OSBPL10: variants seen among roughly 807,000 people sequenced by gnomAD.
The protein encoded by OSBPL10 is oxysterol-binding protein-related protein 10.
Under a neutral mutation model 81.7 loss-of-function variants are expected in OSBPL10, and 49 were observed. That is an observed-to-expected ratio of 0.60 (90% confidence interval 0.48 to 0.76). OSBPL10 has a LOEUF of 0.76. Ranked by LOEUF, OSBPL10 falls within the 30% of genes least tolerant of loss-of-function variation. The pLI is 0.00. For missense variants in OSBPL10, 923 were observed against 987.8 expected (o/e 0.93, Z 0.88); for synonymous variants, 419 against 383.6 (o/e 1.09, Z -1.08).
chr3:31,998,318 A>G (rs756094773), intron 2 of OSBPL10, among the ~76,000 whole-genome samples: 24 of 152,290 alleles, frequency 1.6e-4, no homozygotes, highest in East Asian at 3.9e-4. Flanking sequence ...CCATCAGCAT[A>G]TCTCACCACT....
At chr3:31,958,826 T>C (rs912426037) in intron 1 of OSBPL10, among the ~76,000 whole-genome samples, 2 of 152,338 alleles carry the variant, frequency 1.3e-5, no homozygotes, top group Non-Finnish European at 2.9e-5. Context: ...CCATGTCTAT[T>C]TGTTTACATA....
At chr3:31,808,175 A>G (rs963150453) in intron 4 of OSBPL10, among the ~76,000 whole-genome samples, 1 of 152,184 alleles carries the variant, frequency 6.6e-6, no homozygotes, top group African/African-American at 2.4e-5. Context: ...TATCATCAAG[A>G]CTAAGATCAT....
chr3:31,689,641 T>C (rs1027764830), intron 7 of OSBPL10, among the ~76,000 whole-genome samples: 1 of 151,996 alleles, frequency 6.6e-6, no homozygotes. Flanking sequence ...TGGGGGTGGG[T>C]CTTTCTTGTG....
At chr3:31,702,290 A>C in intron 7 of OSBPL10, 69 bp downstream of exon 7, 4 of 1,541,780 alleles carry the variant, frequency 2.6e-6, no homozygotes, top group Non-Finnish European at 3.5e-6. Flanking sequence ...GAATGTGCAT[A>C]GAGAAGGCTT....
chr3:32,031,684 C>T (rs1699470726), intron 2 of OSBPL10, among the ~76,000 whole-genome samples: 1 of 152,116 alleles, frequency 6.6e-6, no homozygotes, highest in Non-Finnish European at 1.5e-5. Flanking sequence ...GAACTCCTGA[C>T]CTCATGTGAT....
chr3:31,772,972 T>C (rs1349827931), intron 4 of OSBPL10, among the ~76,000 whole-genome samples: 1 of 152,060 alleles, frequency 6.6e-6, no homozygotes, highest in Non-Finnish European at 1.5e-5. Context: ...GGGTTTCACA[T>C]TTCCTGATCC....
intron 4 of OSBPL10, among the ~76,000 whole-genome samples, chr3:31,828,945 T>C (rs776936955): frequency 4.6e-5 from 7 of 152,198 alleles, no homozygotes; most frequent in Non-Finnish European, 8.8e-5. Context: ...AGACACAGTA[T>C]ATACATGTAA....
At chr3:31,692,862 C>A (rs1047063607) in intron 7 of OSBPL10, among the ~76,000 whole-genome samples, 10 of 152,210 alleles carry the variant, frequency 6.6e-5, no homozygotes, top group African/African-American at 2.4e-4. Context: ...GGTTGCTCAG[C>A]GCCCCCAAGG....
intron 1 of OSBPL10, among the ~76,000 whole-genome samples, chr3:31,898,021 AAAAAAAAAAAAAAAAACAG>A (rs1298295762): frequency 3.2e-5 from 4 of 126,616 alleles, no homozygotes; most frequent in South Asian, 2.5e-4. Context: ...AAAAAAAAAA[AAAAAAAAAAAAAAAAACAG>A]AAGAAGAAGA....
intron 3 of OSBPL10, among the ~76,000 whole-genome samples, chr3:31,838,648 C>G (rs939243161): frequency 6.6e-6 from 1 of 151,842 alleles, no homozygotes; most frequent in Non-Finnish European, 1.5e-5. Flanking sequence ...TCACTCAGCT[C>G]TCTTCAACTG....
intron 5 of OSBPL10, among the ~76,000 whole-genome samples, chr3:31,737,622 A>C (rs944081855): frequency 2.0e-5 from 3 of 152,186 alleles, no homozygotes; most frequent in Non-Finnish European, 4.4e-5. Flanking sequence ...AAAGTCAAAT[A>C]AATAATGTAT....
At chr3:31,683,530 A>G in intron 8 of OSBPL10, 104 bp downstream of exon 8, 1 of 1,477,384 alleles carries the variant, frequency 6.8e-7, no homozygotes, top group Non-Finnish European at 9.0e-7. Flanking sequence ...AACCAGTTAA[A>G]AACAACAACA....
In OSBPL10 at chr3:31,830,176, T is replaced by C. The variant is rs1700205882; in HGVS notation, c.593A>G (p.Asn198Ser). 6.2e-7 allele frequency: 1 copy of C among 1,613,938 alleles called. No individual in the cohort carries two copies. The highest frequency in any genetic ancestry group is 1.3e-5 in the African/African-American group (1 of 74,912). The part of the protein sequence containing the change: ...SLTLLPHGTP[N>S]SASPCSQRHL... ...TCTCTGGCTACAGGGAGACGCAGAATTGGGTGTTCCATGTGGGAGCAAAGT... is the reference window on the plus strand; with the variant it reads ...TCTCTGGCTACAGGGAGACGCAGAACTGGGTGTTCCATGTGGGAGCAAAGT... The change falls in exon 4 of 12, where the codon AAT becomes AGT. Residue 198 changes from asparagine to serine, a missense_variant. By Grantham distance (46) the Asn-to-Ser change is conservative (BLOSUM62 1). This residue lies in a region of OSBPL10 where 514 missense variants were observed against 508.0 expected (regional missense o/e 1.01). Transcript: ENST00000396556.
intron 4 of OSBPL10, among the ~76,000 whole-genome samples, chr3:31,791,994 C>T (rs1699022346): frequency 6.6e-6 from 1 of 152,008 alleles, no homozygotes; most frequent in African/African-American, 2.4e-5. Context: ...ACCTGTAGTC[C>T]CAACACTTTG....
rs768675416 is a variant in OSBPL10 at position 31,664,222 on chromosome 3, G to A, written c.2107C>T (p.Arg703Trp). 2.9e-5 allele frequency: 47 copies of A among 1,612,068 alleles called. No homozygotes were observed. In the East Asian group the frequency reaches 4.0e-4, roughly 14 times the overall value. The part of the protein sequence containing the change: ...QGPMESRNLW[R>W]EVTRYLRLGD... ...AGCCGCAGGTATCGGGTCACCTCCC[G>A]CCAGAGGTTCCTGGGGATGCGTGGA... Residue 703 changes from arginine to tryptophan, a missense_variant, in exon 11 of 12, where the codon CGG becomes TGG. Coordinates refer to ENST00000396556, the MANE Select transcript of OSBPL10 (RefSeq NM_017784.5).
At chr3:31,909,679 G>C (rs928153577) in intron 1 of OSBPL10, among the ~76,000 whole-genome samples, 1 of 152,046 alleles carries the variant, frequency 6.6e-6, no homozygotes, top group African/African-American at 2.4e-5. Context: ...CAGATCAAGC[G>C]AGTGCACTGT....
At chr3:31,933,833 C>T (rs1697313287) in intron 1 of OSBPL10, among the ~76,000 whole-genome samples, 2 of 152,044 alleles carry the variant, frequency 1.3e-5, no homozygotes, top group Non-Finnish European at 2.9e-5. Flanking sequence ...TTACAACAAG[C>T]TTTTACATTA....
chr3:31,752,096 T>G (rs1047859164), intron 4 of OSBPL10, among the ~76,000 whole-genome samples: 1 of 152,148 alleles, frequency 6.6e-6, no homozygotes, highest in South Asian at 2.1e-4. Flanking sequence ...AGCAAATTCT[T>G]AAAGAGGGTT....
At chr3:31,684,719 C>G (rs1272537976) in intron 7 of OSBPL10, among the ~76,000 whole-genome samples, 1 of 152,184 alleles carries the variant, frequency 6.6e-6, no homozygotes, top group African/African-American at 2.4e-5. Context: ...ACGGGGCAGG[C>G]CCATCAGCAG....
Sources: gnomAD v4.1 joint callset for allele counts (sites outside exome capture counted in the v4.1 genomes callset) on GRCh38, gnomAD v4.1.1 for gene constraint, gnomAD v4.1.1 regional missense constraint, MANE v1.5 for transcripts, NCBI Gene and HGNC (gene_info 2026-07-23, HGNC 2026-07-21) for gene names.